TERB1: variants seen among roughly 807,000 people sequenced by gnomAD.
TERB1 encodes telomere repeats-binding bouquet formation protein 1.
TERB1 carries 63 observed loss-of-function variants against 92.3 expected under a neutral mutation model. The ratio of observed to expected loss-of-function variants is 0.68; its 90% CI spans 0.56 to 0.84. The LOEUF is 0.84. TERB1 is among the 40% of genes least tolerant of loss of function. The pLI, the probability that TERB1 is intolerant of heterozygous loss-of-function variation, is 0.00. For missense variants in TERB1, 709 were observed against 843.7 expected, an observed-to-expected ratio of 0.84 and a Z score of 1.98; for synonymous variants, 252 against 283.9, an observed-to-expected ratio of 0.89 and a Z score of 1.13.
At chr16:66,769,545 T>C (rs72792035) in intron 14 of TERB1, among the ~76,000 whole-genome samples, 142 of 152,336 alleles carry the variant, frequency 9.3e-4, no homozygotes, top group Non-Finnish European at 1.5e-3. Flanking sequence ...AACCAAATTT[T>C]CTTCACATCC....
intron 9 of TERB1, among the ~76,000 whole-genome samples, chr16:66,783,278 A>G (rs1216532987): frequency 6.6e-6 from 1 of 152,314 alleles, no homozygotes; most frequent in Middle Eastern, 3.4e-3. Context: ...CTAGTTTACC[A>G]TGAGTTTACA....
chr16:66,791,441 A>T (rs2018833631), intron 3 of TERB1, among the ~76,000 whole-genome samples: 1 of 152,178 alleles, frequency 6.6e-6, no homozygotes, highest in African/African-American at 2.4e-5. Context: ...AATTAGAAAA[A>T]GAACAAATTA....
intron 7 of TERB1, 28 bp from the exon 8 acceptor site, chr16:66,786,157 A>C: frequency 6.5e-7 from 1 of 1,532,454 alleles, no homozygotes; most frequent in Non-Finnish European, 8.8e-7. Context: ...AAAGAAAGTA[A>C]ATTAATACAA....
intron 16 of TERB1, among the ~76,000 whole-genome samples, chr16:66,765,300 T>C (rs889188892): frequency 3.3e-5 from 5 of 152,218 alleles, no homozygotes; most frequent in African/African-American, 1.2e-4. Flanking sequence ...ATGGCACCTC[T>C]AAGCCAAAAG....
chr16:66,754,832 T>G lies in TERB1; in HGVS notation c.*144A>C, dbSNP rs1163055933. 4.0e-5 allele frequency: 28 copies of G among 707,906 alleles called. No individual in the cohort carries two copies. The East Asian group carries it at 6.8e-4, about 17-fold the overall frequency. 43.9% of individuals were successfully genotyped at this position (707,906 alleles called of 1,614,324 possible). On this transcript the variant is annotated 3_prime_UTR_variant, in exon 19 of 19. Transcript: ENST00000433154. ...ATAAATCATTGTAATTTGATGAGTT[T>G]CAGCATCACAAAAACTGTTTAATGA... is the stretch of plus-strand genomic sequence containing the variant.
At chr16:66,774,820 T>C (rs1295698519) in intron 12 of TERB1, among the ~76,000 whole-genome samples, 1 of 151,946 alleles carries the variant, frequency 6.6e-6, no homozygotes, top group Non-Finnish European at 1.5e-5. Flanking sequence ...GCTTCCCAAG[T>C]AGCTGGCAGG....
Position 66,792,459 on chromosome 16 carries a change from G to A in TERB1, c.32-1440C>T, listed in dbSNP as rs145931930. ...TCAGGTAAGAAAAAAGAAATAAAAG[G>A]CACCCAAATTGGCAAGGAAGTATTT... is the stretch of plus-strand genomic sequence containing the variant. On this transcript the variant is annotated intron_variant, in intron 3 of 18. Transcript: ENST00000433154. Among the ~76,000 whole-genome samples the A allele has an allele frequency of 3.5e-3, 527 of 152,178 alleles. 4 individuals are homozygous for A. Among genetic ancestry groups the A allele is most frequent in the African/African-American group, 0.012 (517 of 41,524 alleles).
At chr16:66,797,656 C>T (rs1459079178) in intron 2 of TERB1, among the ~76,000 whole-genome samples, 1 of 151,550 alleles carries the variant, frequency 6.6e-6, no homozygotes, top group Non-Finnish European at 1.5e-5. Context: ...CACACACACA[C>T]ACACACTCTT....
At position 66,800,995 on chromosome 16, in the gene TERB1, TC is replaced by T. The variant is rs1401836702; in HGVS notation, c.-52del. 1 of 152,340 alleles carries T rather than the reference TC, an allele frequency of 6.6e-6. No individual in the cohort carries two copies. The highest frequency in any genetic ancestry group is 1.5e-5 in the Non-Finnish European group (1 of 68,172). The allele number at this position is 152,340 out of a possible 1,614,324, so 9.4% of individuals were successfully genotyped here. On this transcript the variant is annotated 5_prime_UTR_variant, in exon 2 of 19. Transcript: ENST00000433154. Reference sequence around the variant, plus strand: ...CGCTCACCTACAGAGTTGGATGAATTCCTTGTGCAGAGCTTAGGTGGCCCCT... The same window carrying T: ...CGCTCACCTACAGAGTTGGATGAATTCTTGTGCAGAGCTTAGGTGGCCCCT...
intron 3 of TERB1, among the ~76,000 whole-genome samples, chr16:66,794,874 C>T (rs542485265): frequency 6.6e-6 from 1 of 150,552 alleles, no homozygotes; most frequent in East Asian, 2.0e-4. Flanking sequence ...CCGGCCACTG[C>T]ACTCCAGCCT....
chr16:66,763,227 T>C (rs926729748), intron 16 of TERB1, among the ~76,000 whole-genome samples: 2 of 152,030 alleles, frequency 1.3e-5, no homozygotes, highest in African/African-American at 4.8e-5. Context: ...CACCTCAGCC[T>C]CCCACGTAGC....
Position 66,778,983 on chromosome 16 carries a change from C to T in TERB1, c.733G>A (p.Gly245Arg), listed in dbSNP as rs766256171. 53 of 1,521,622 alleles carry T rather than the reference C, an allele frequency of 3.5e-5. No individual in the cohort carries two copies. In the Middle Eastern group the frequency reaches 6.8e-4, roughly 19 times the overall value. 94.3% of individuals were successfully genotyped at this position (1,521,622 alleles called of 1,614,324 possible). ...AGAACTTGAGACAATACATCCAGTC[C>T]GCCCACAGATACGAAGTATTTCTGA... ...YVQKYFVSVG[G>R]LDVLSQVLMQ... is the part of the protein sequence containing the mutation. Residue 245 changes from glycine (G) to arginine (R), a missense_variant, in exon 10 of 19, where the codon GGA (glycine) becomes AGA (arginine). Physicochemically the swap from Gly to Arg is moderately radical, Grantham distance 125 (BLOSUM62 -2). Transcript: ENST00000433154.
At chr16:66,774,192 T>G (rs1006181202) in intron 12 of TERB1, among the ~76,000 whole-genome samples, 2 of 145,130 alleles carry the variant, frequency 1.4e-5, no homozygotes, top group Non-Finnish European at 3.0e-5. Flanking sequence ...AAACGTTTTT[T>G]TTTTTTTTTT....
intron 12 of TERB1, among the ~76,000 whole-genome samples, chr16:66,773,523 C>CACA: frequency 6.6e-6 from 1 of 152,254 alleles, no homozygotes. Flanking sequence ...TCCCTCCTAT[C>CACA]ACAGGGCCTT....
intron 9 of TERB1, among the ~76,000 whole-genome samples, chr16:66,784,235 C>T (rs968025145): frequency 1.7e-5 from 2 of 115,168 alleles, no homozygotes; most frequent in African/African-American, 7.8e-5. Flanking sequence ...CTCTATTTCA[C>T]GATTTCTAAT....
chr16:66,779,911 GA>G (rs1482699306), intron 9 of TERB1, among the ~76,000 whole-genome samples: 1 of 152,128 alleles, frequency 6.6e-6, no homozygotes, highest in Non-Finnish European at 1.5e-5. Context: ...AAGATTCAAT[GA>G]CCGGTATCTA....
chr16:66,793,211 GTTTTTTTTTTTT>G (rs1174263983), intron 3 of TERB1, among the ~76,000 whole-genome samples: 2 of 93,546 alleles, frequency 2.1e-5, no homozygotes, highest in Admixed American at 1.3e-4. Flanking sequence ...TTGTGGTTTG[GTTTTTTTTTTTT>G]TTTTTTTTTT....
chr16:66,760,783 C>CAAAAA (rs57817560), intron 16 of TERB1, among the ~76,000 whole-genome samples: 30 of 67,186 alleles, frequency 4.5e-4, no homozygotes, highest in Middle Eastern at 0.012. Context: ...GACTCCATCT[C>CAAAAA]AAAAAAAAAA....
intron 11 of TERB1, 101 bp from the exon 12 acceptor site, chr16:66,775,344 TA>T (rs1186921589): frequency 3.8e-5 from 43 of 1,123,276 alleles, no homozygotes; most frequent in Non-Finnish European, 5.0e-5. Context: ...TTCAAAATTT[TA>T]AAAATAGGCC....
Sources: allele counts gnomAD v4.1 joint callset (sites outside exome capture counted in the v4.1 genomes callset), GRCh38; gene constraint gnomAD v4.1.1; transcripts MANE v1.5; gene names NCBI Gene and HGNC (gene_info 2026-07-23, HGNC 2026-07-21).